NSG2: variants seen among roughly 807,000 people sequenced by gnomAD.
NSG2 encodes the protein neuronal vesicle trafficking-associated protein 2.
Under a neutral mutation model 16.9 loss-of-function variants are expected in NSG2, and 4 were observed. The observed-to-expected ratio is 0.24, with a 90% CI of 0.12 to 0.54. NSG2 has a LOEUF of 0.54. NSG2 is among the 20% of genes least tolerant of loss of function. The probability of loss-of-function intolerance (pLI) is 0.95; values close to 1 mark genes in which losing one functional copy is unlikely to be tolerated. For synonymous variants in NSG2, 98 were observed against 88.7 expected (o/e 1.11, Z -0.59); for missense variants, 179 against 221.1 (o/e 0.81, Z 1.21).
chr5:174,076,592 A>C (rs1426087938), intron 3 of NSG2, among the ~76,000 whole-genome samples: 1 of 152,184 alleles, frequency 6.6e-6, no homozygotes, highest in Non-Finnish European at 1.5e-5. Flanking sequence ...CTCCAAACTG[A>C]GTCAAGAAAC....
At position 174,046,357 on chromosome 5, in the gene NSG2, G is replaced by A. The variant is rs867886968; in HGVS notation, c.-22-377G>A. On this transcript the variant is annotated intron_variant, in intron 1 of 4. Transcript: ENST00000303177. ...GTGAAATTTATCATACTGCAGGCGG[G>A]GGGGGTGGTATAATAGGACTTCATT... is the stretch of plus-strand genomic sequence containing the variant. 8.7e-4 allele frequency among the ~76,000 whole-genome samples: 132 copies of A among 152,132 alleles called. No homozygotes were observed. In the Middle Eastern group the frequency reaches 0.01, roughly 12 times the overall value.
intron 3 of NSG2, among the ~76,000 whole-genome samples, chr5:174,086,834 T>A (rs1427113818): frequency 6.6e-6 from 1 of 152,212 alleles, no homozygotes; most frequent in Non-Finnish European, 1.5e-5. Flanking sequence ...ATCTCCTACA[T>A]CGGCAGGGCC....
At chr5:174,096,132 T>A (rs1296556041) in intron 3 of NSG2, among the ~76,000 whole-genome samples, 1 of 152,254 alleles carries the variant, frequency 6.6e-6, no homozygotes, top group African/African-American at 2.4e-5. Context: ...AGCAAATCCA[T>A]GTACAGTGCC....
intron 3 of NSG2, among the ~76,000 whole-genome samples, chr5:174,069,837 C>T (rs1424422193): frequency 6.7e-6 from 1 of 149,788 alleles, no homozygotes; most frequent in Non-Finnish European, 1.5e-5. Flanking sequence ...ACAGTGATTC[C>T]TGGAGGCACG....
At chr5:174,099,753 C>G (rs746061137) in intron 3 of NSG2, among the ~76,000 whole-genome samples, 6 of 152,142 alleles carry the variant, frequency 3.9e-5, no homozygotes, top group Non-Finnish European at 7.3e-5. Flanking sequence ...GCCTTCTTCC[C>G]CTCATCCTAA....
intron 3 of NSG2, among the ~76,000 whole-genome samples, chr5:174,099,124 T>G (rs968124827): frequency 3.9e-5 from 6 of 152,090 alleles, no homozygotes; most frequent in Non-Finnish European, 7.4e-5. Context: ...CCCCTGAATT[T>G]CACAAATCCA....
At chr5:174,053,067 G>A (rs1246296175) in intron 2 of NSG2, among the ~76,000 whole-genome samples, 2 of 152,202 alleles carry the variant, frequency 1.3e-5, no homozygotes, top group Admixed American at 1.3e-4. Flanking sequence ...TAGGCCACAT[G>A]CACTTCATAG....
At chr5:174,066,092 CA>C (rs1396181672) in intron 3 of NSG2, 6 of 413,538 alleles carry the variant, frequency 1.5e-5, no homozygotes, top group Non-Finnish European at 3.0e-5. Context: ...GTATGTGGCC[CA>C]GGGGAGGAGT....
chr5:174,073,596 A>G (rs1322899930), intron 3 of NSG2, among the ~76,000 whole-genome samples: 1 of 152,208 alleles, frequency 6.6e-6, no homozygotes, highest in African/African-American at 2.4e-5. Flanking sequence ...TTGTGAGTGT[A>G]CTATTAGAAT....
chr5:174,060,482 A>G (rs559434184), intron 2 of NSG2, among the ~76,000 whole-genome samples: 1 of 152,216 alleles, frequency 6.6e-6, no homozygotes, highest in South Asian at 2.1e-4. Context: ...GGATCAAGCC[A>G]AGAGATGATG....
At chr5:174,092,862 A>T (rs958655730) in intron 3 of NSG2, among the ~76,000 whole-genome samples, 1 of 152,158 alleles carries the variant, frequency 6.6e-6, no homozygotes, top group African/African-American at 2.4e-5. Flanking sequence ...GTAAAATGGG[A>T]TGGAACAGAA....
chr5:174,086,831 A>G (rs903237415), intron 3 of NSG2, among the ~76,000 whole-genome samples: 10 of 152,222 alleles, frequency 6.6e-5, no homozygotes, highest in Non-Finnish European at 1.0e-4. Flanking sequence ...TTTATCTCCT[A>G]CATCGGCAGG....
At chr5:174,106,901 G>C (rs1760992132) in intron 4 of NSG2, among the ~76,000 whole-genome samples, 2 of 152,028 alleles carry the variant, frequency 1.3e-5, no homozygotes, top group Non-Finnish European at 2.9e-5. Context: ...CAAGACTTTT[G>C]ATATAAGAGA....
intron 3 of NSG2, among the ~76,000 whole-genome samples, chr5:174,099,091 G>T (rs1158069630): frequency 6.6e-6 from 1 of 152,150 alleles, no homozygotes. Context: ...CGGGAGCTTT[G>T]TTGCAGGGAT....
chr5:174,091,882 A>C (rs1287593308), intron 3 of NSG2, among the ~76,000 whole-genome samples: 1 of 152,192 alleles, frequency 6.6e-6, no homozygotes, highest in Non-Finnish European at 1.5e-5. Flanking sequence ...CAGTTTTGCC[A>C]TCTGAAAACC....
At chr5:174,098,611 C>A (rs532946970) in intron 3 of NSG2, among the ~76,000 whole-genome samples, 1 of 152,206 alleles carries the variant, frequency 6.6e-6, no homozygotes, top group Non-Finnish European at 1.5e-5. Context: ...AAGGGCCCCC[C>A]TCGTGTGCTC....
intron 3 of NSG2, among the ~76,000 whole-genome samples, chr5:174,083,363 T>G (rs1184607142): frequency 6.6e-6 from 1 of 152,218 alleles, no homozygotes; most frequent in Non-Finnish European, 1.5e-5. Context: ...TGGGGATCCC[T>G]GGGGGAAATT....
chr5:174,081,365 A>G (rs1349896178), intron 3 of NSG2: 3 of 151,914 alleles, frequency 2.0e-5, no homozygotes, highest in South Asian at 2.1e-4. Context: ...TCCCCCCCAA[A>G]TACCCTTTCT....
intron 2 of NSG2, among the ~76,000 whole-genome samples, chr5:174,051,680 CTGCTT>C (rs1237839975): frequency 1.3e-5 from 2 of 152,224 alleles, no homozygotes; most frequent in Admixed American, 1.3e-4. Flanking sequence ...GCATTGGCCA[CTGCTT>C]TCATGGAGCT....
Sources: allele counts gnomAD v4.1 joint callset (sites outside exome capture counted in the v4.1 genomes callset), GRCh38; gene constraint gnomAD v4.1.1; transcripts MANE v1.5; gene names NCBI Gene and HGNC (gene_info 2026-07-23, HGNC 2026-07-21).